ATP8B1: variants seen among roughly 807,000 people sequenced by gnomAD.
The protein encoded by ATP8B1 is phospholipid-transporting ATPase IC.
In ATP8B1, 80 loss-of-function variants were observed where a neutral mutation model predicts 149.9. That is an observed-to-expected ratio of 0.53 (90% CI 0.45 to 0.64). ATP8B1 has a LOEUF of 0.64. Among genes scored for constraint, ATP8B1 ranks in the 30% least tolerant of loss-of-function variants. ATP8B1 has a pLI of 0.00. For missense variants in ATP8B1, 1,247 were observed against 1,552.6 expected, an observed-to-expected ratio of 0.80 and a Z score of 3.31; for synonymous variants, 536 against 562.8, an observed-to-expected ratio of 0.95 and a Z score of 0.67.
intron 3 of ATP8B1, 58 bp downstream of exon 3, chr18:57,706,432 C>T: frequency 1.4e-6 from 2 of 1,420,090 alleles, no homozygotes; most frequent in Non-Finnish European, 9.9e-7. Flanking sequence ...AGTAAGCATG[C>T]CAGCTACTGG....
intron 2 of ATP8B1, among the ~76,000 whole-genome samples, chr18:57,716,159 C>A (rs1238789272): frequency 1.3e-5 from 2 of 151,956 alleles, no homozygotes; most frequent in African/African-American, 4.8e-5. Flanking sequence ...ACAGTACTTA[C>A]AAGCCTCATG....
At chr18:57,704,424 G>A (rs1285886286) in intron 4 of ATP8B1, 131 bp downstream of exon 4, 1 of 693,818 alleles carries the variant, frequency 1.4e-6, no homozygotes, top group Non-Finnish European at 2.6e-6. Flanking sequence ...ATGAGGCACT[G>A]TTCCTTTATG....
rs1177400982 is a variant in ATP8B1 at position 57,762,126 on chromosome 18, C to CATAT, written c.-25-30298_-25-30295dup. 7.2e-5 allele frequency among the ~76,000 whole-genome samples: 7 copies of CATAT among 96,556 alleles called. No homozygotes were observed. The East Asian group carries it at 1.1e-3, about 16-fold the overall frequency. The allele number at this position is 96,556 out of a possible 152,430, so 63.3% of individuals were successfully genotyped here. A position where few individuals can be genotyped will look rare whatever the true frequency, so the allele number is the denominator to read the frequency against. On this transcript the variant is annotated intron_variant, in intron 1 of 27. Coordinates refer to ENST00000648908, the MANE Select transcript of ATP8B1 (RefSeq NM_001374385.1). The stretch of plus-strand genomic sequence containing the variant: ...CAATAATGAGATACACACACACACA[C>CATAT]ATATATATATATATATTTTTTTTTT...
intron 2 of ATP8B1, among the ~76,000 whole-genome samples, chr18:57,717,102 A>G (rs974839651): frequency 1.3e-4 from 20 of 152,318 alleles, no homozygotes; most frequent in African/African-American, 4.6e-4. Flanking sequence ...TAAACAGGAA[A>G]CTGAAAAATT....
At chr18:57,678,957 T>C (rs2122778368) in intron 15 of ATP8B1, among the ~76,000 whole-genome samples, 1 of 97,856 alleles carries the variant, frequency 1.0e-5, no homozygotes, top group Admixed American at 1.2e-4. Context: ...GTTGATGGTA[T>C]AGTGGTGAGC....
intron 22 of ATP8B1, chr18:57,659,635 G>A (rs1910258419): frequency 2.2e-5 from 3 of 138,960 alleles, no homozygotes; most frequent in Non-Finnish European, 3.0e-5. Flanking sequence ...AATACCATTC[G>A]CATGGTAGGG....
intron 1 of ATP8B1, among the ~76,000 whole-genome samples, chr18:57,754,060 TGAG>T (rs10611457): frequency 0.27 from 40,337 of 151,648 alleles, 5,946 homozygotes; most frequent in African/African-American, 0.39. Context: ...GCATTGGACT[TGAG>T]GAGGCATATT....
intron 11 of ATP8B1, among the ~76,000 whole-genome samples, chr18:57,692,812 A>G (rs1436541233): frequency 6.6e-6 from 1 of 152,174 alleles, no homozygotes; most frequent in African/African-American, 2.4e-5. Flanking sequence ...GTATTGCATG[A>G]CATTGTAAAA....
chr18:57,765,432 G>A lies in ATP8B1; in HGVS notation c.-25-33600C>T, dbSNP rs143762956. 7.6e-3 allele frequency among the ~76,000 whole-genome samples: 1,151 copies of A among 152,254 alleles called. 12 individuals carry two copies. Among genetic ancestry groups the A allele is most frequent in the African/African-American group, 0.026 (1,075 of 41,550 alleles). On this transcript the variant is annotated intron_variant, in intron 1 of 27. Coordinates refer to ENST00000648908, the MANE Select transcript of ATP8B1 (RefSeq NM_001374385.1). Reference sequence around the variant, plus strand: ...TGCCTTTAATCCCAGCACTTTGGGAGGTCAAGGCAGGCGGATCACAAGGTC... The same window carrying A: ...TGCCTTTAATCCCAGCACTTTGGGAAGTCAAGGCAGGCGGATCACAAGGTC...
At chr18:57,724,391 A>G (rs1419777052) in intron 2 of ATP8B1, among the ~76,000 whole-genome samples, 7 of 141,710 alleles carry the variant, frequency 4.9e-5, no homozygotes, top group African/African-American at 1.5e-4. Context: ...AATGAACTCA[A>G]ACAAATTTAC....
chr18:57,715,862 C>T (rs773317495), intron 2 of ATP8B1, among the ~76,000 whole-genome samples: 2 of 152,090 alleles, frequency 1.3e-5, no homozygotes, highest in Non-Finnish European at 2.9e-5. Flanking sequence ...AGAAAGTAAA[C>T]GATGTTAGTG....
At chr18:57,716,509 T>C (rs1366351832) in intron 2 of ATP8B1, among the ~76,000 whole-genome samples, 3 of 151,366 alleles carry the variant, frequency 2.0e-5, no homozygotes, top group African/African-American at 7.3e-5. Flanking sequence ...TCCATGCCAA[T>C]GGAAAGCAAA....
chr18:57,698,006 T>C lies in ATP8B1; in HGVS notation c.555-139A>G, dbSNP rs1599128394. 4 of 741,156 alleles carry C rather than the reference T, an allele frequency of 5.4e-6. No homozygotes were observed. The East Asian group carries it at 1.1e-4, about 20-fold the overall frequency. The allele number at this position is 741,156 out of a possible 1,614,324, so 45.9% of individuals were successfully genotyped here. ...CTAAAATTTTGCTCTTTAATGGATG[T>C]AAACATATTAAAGGGGGGCATGAAA... is the stretch of plus-strand genomic sequence containing the variant. On this transcript the variant is annotated intron_variant, in intron 6 of 27. Transcript: ENST00000648908.
chr18:57,772,906 G>C (rs10048297), intron 1 of ATP8B1, among the ~76,000 whole-genome samples: 104,526 of 152,004 alleles, frequency 0.69, 36,910 homozygotes, highest in African/African-American at 0.83. Flanking sequence ...GTGCAAAGAG[G>C]CTGGGGCCTC....
chr18:57,685,159 T>C (rs1912171653), intron 13 of ATP8B1, 44 bp from the exon 14 acceptor site: 2 of 1,604,042 alleles, frequency 1.2e-6, no homozygotes, highest in Non-Finnish European at 8.5e-7. Flanking sequence ...TACACCTATG[T>C]CCAGAGGCCC....
At chr18:57,779,208 G>T (rs749737067) in intron 1 of ATP8B1, among the ~76,000 whole-genome samples, 1 of 152,076 alleles carries the variant, frequency 6.6e-6, no homozygotes, top group East Asian at 1.9e-4. Context: ...CCAGCTACTC[G>T]GGAGGCTGAA....
chr18:57,768,860 T>C (rs1255172070), intron 1 of ATP8B1, among the ~76,000 whole-genome samples: 2 of 152,142 alleles, frequency 1.3e-5, no homozygotes, highest in African/African-American at 4.8e-5. Context: ...CAGCAAACAC[T>C]GTAACCAGTT....
At chr18:57,661,093 A>C in intron 22 of ATP8B1, 81 bp downstream of exon 22, 1 of 1,546,638 alleles carries the variant, frequency 6.5e-7, no homozygotes, top group Non-Finnish European at 8.7e-7. Flanking sequence ...ATCTAAAAAA[A>C]GAAAATCCAC....
chr18:57,774,777 C>G (rs2080292896), intron 1 of ATP8B1, among the ~76,000 whole-genome samples: 1 of 152,154 alleles, frequency 6.6e-6, no homozygotes, highest in African/African-American at 2.4e-5. Context: ...ATTAATAAGG[C>G]TCCCTGAGTC....
Sources: gnomAD v4.1 joint callset for allele counts (sites outside exome capture counted in the v4.1 genomes callset) on GRCh38, gnomAD v4.1.1 for gene constraint, MANE v1.5 for transcripts, NCBI Gene and HGNC (gene_info 2026-07-23, HGNC 2026-07-21) for gene names.